Variants in ZDHHC20 observed in about 807,000 individuals in gnomAD.
ZDHHC20 encodes the protein palmitoyltransferase ZDHHC20.
Under a neutral mutation model 57.8 loss-of-function variants are expected in ZDHHC20, and 43 were observed. The ratio of observed to expected loss-of-function variants is 0.74; its 90% confidence interval spans 0.58 to 0.96. ZDHHC20 has a LOEUF of 0.96. Ranked by LOEUF, ZDHHC20 falls within the 40% of genes least tolerant of loss-of-function variation. The probability of loss-of-function intolerance (pLI) is 0.00; values close to 1 mark genes in which losing one functional copy is unlikely to be tolerated. For synonymous variants in ZDHHC20, 157 were observed against 153.0 expected (o/e 1.03, Z -0.19); for missense variants, 391 against 441.1 (o/e 0.89, Z 1.02).
intron 8 of ZDHHC20, among the ~76,000 whole-genome samples, chr13:21,389,751 GCT>G (rs1265571973): frequency 1.3e-5 from 2 of 152,078 alleles, no homozygotes; most frequent in Non-Finnish European, 2.9e-5. Flanking sequence ...GTCCACCACT[GCT>G]TAGCTCCATT....
intron 3 of ZDHHC20, among the ~76,000 whole-genome samples, chr13:21,419,265 T>G (rs1232389375): frequency 6.6e-6 from 1 of 152,204 alleles, no homozygotes; most frequent in Non-Finnish European, 1.5e-5. Flanking sequence ...ACTTTACCTT[T>G]TAAAACAAAA....
At chr13:21,410,922 T>C (rs1879123148) in intron 4 of ZDHHC20, among the ~76,000 whole-genome samples, 1 of 152,202 alleles carries the variant, frequency 6.6e-6, no homozygotes. Flanking sequence ...AAAAAACTCC[T>C]GCAGCTAGCT....
chr13:21,416,375 T>C (rs553809876), intron 3 of ZDHHC20, among the ~76,000 whole-genome samples: 11 of 152,166 alleles, frequency 7.2e-5, no homozygotes, highest in South Asian at 2.1e-4. Flanking sequence ...TCAAAACTAG[T>C]GAACAGAATT....
chr13:21,378,655 T>C lies in ZDHHC20; in HGVS notation c.*40+6A>G. 1 of 1,396,870 alleles carries C rather than the reference T, an allele frequency of 7.2e-7. No individual in the cohort carries two copies. Among genetic ancestry groups the C allele is most frequent in the Non-Finnish European group, 9.4e-7 (1 of 1,058,428 alleles). The allele number at this position is 1,396,870 out of a possible 1,614,324, so 86.5% of individuals were successfully genotyped here. On this transcript the variant is annotated splice_donor_region_variant and intron_variant, in intron 12 of 12. Coordinates refer to ENST00000400590, the MANE Select transcript of ZDHHC20 (RefSeq NM_001330059.2). The stretch of plus-strand genomic sequence containing the variant: ...TTATTCAAGGATTACCTTTATACTG[T>C]CTTACCTTGCTCTTATTCAAATGGT...
At chr13:21,411,047 A>C (rs1879144516) in intron 4 of ZDHHC20, among the ~76,000 whole-genome samples, 1 of 152,172 alleles carries the variant, frequency 6.6e-6, no homozygotes, top group Non-Finnish European at 1.5e-5. Context: ...GGAAAAGCAT[A>C]GTGTCTGGGC....
chr13:21,424,710 C>CAAA (rs10709528), intron 2 of ZDHHC20, among the ~76,000 whole-genome samples: 1 of 125,054 alleles, frequency 8.0e-6, no homozygotes, highest in Non-Finnish European at 1.7e-5. Context: ...GACTCTGTCT[C>CAAA]AAAAAAAAAA....
intron 7 of ZDHHC20, among the ~76,000 whole-genome samples, chr13:21,394,351 G>T (rs76632091): frequency 6.6e-6 from 1 of 152,010 alleles, no homozygotes; most frequent in East Asian, 1.9e-4. Flanking sequence ...TCTAAATAAG[G>T]TCTACCCTGA....
intron 8 of ZDHHC20, among the ~76,000 whole-genome samples, chr13:21,390,482 G>A (rs1051728576): frequency 1.3e-5 from 2 of 152,108 alleles, no homozygotes; most frequent in South Asian, 2.1e-4. Flanking sequence ...GACACAATAC[G>A]TAAGTCTCAC....
intron 7 of ZDHHC20, among the ~76,000 whole-genome samples, chr13:21,398,357 G>T (rs188591308): frequency 4.6e-5 from 7 of 151,944 alleles, no homozygotes; most frequent in African/African-American, 1.7e-4. Flanking sequence ...CCAGCTACTC[G>T]GGAGGCTGAG....
intron 4 of ZDHHC20, among the ~76,000 whole-genome samples, chr13:21,403,174 T>C (rs1007296122): frequency 1.3e-5 from 2 of 152,086 alleles, no homozygotes; most frequent in Non-Finnish European, 2.9e-5. Flanking sequence ...GAACTCAAGA[T>C]TTAGTAAGTC....
rs906594734 is a variant in ZDHHC20 at position 21,374,526 on chromosome 13, C to T, written c.*2170G>A. The T allele has an allele frequency of 1.9e-5, 8 of 422,940 alleles. No individual in the cohort carries two copies. The highest frequency in any genetic ancestry group is 3.8e-5 in the Non-Finnish European group (8 of 208,316). 26.2% of individuals were successfully genotyped at this position (422,940 alleles called of 1,614,324 possible). A position where few individuals can be genotyped will look rare whatever the true frequency, so the allele number is the denominator to read the frequency against. ...CTGGGATTACAGGCATGAGCCACCA[C>T]ACCCAGCAATAATTGGTATCTCTTA... On this transcript the variant is annotated 3_prime_UTR_variant, in exon 13 of 13. Coordinates refer to ENST00000400590, the MANE Select transcript of ZDHHC20 (RefSeq NM_001330059.2).
intron 4 of ZDHHC20, among the ~76,000 whole-genome samples, chr13:21,408,364 T>G (rs531533440): frequency 9.4e-4 from 143 of 152,346 alleles, no homozygotes; most frequent in African/African-American, 3.2e-3. Context: ...CCTAGGTATT[T>G]TATTATCTTT....
intron 3 of ZDHHC20, among the ~76,000 whole-genome samples, chr13:21,414,624 G>A (rs964206681): frequency 6.6e-6 from 1 of 150,430 alleles, no homozygotes; most frequent in Non-Finnish European, 1.5e-5. Context: ...GCCCGCCTTG[G>A]CCTCCCAAAG....
intron 3 of ZDHHC20, among the ~76,000 whole-genome samples, chr13:21,420,060 G>A (rs1880473485): frequency 6.6e-6 from 1 of 152,308 alleles, no homozygotes; most frequent in East Asian, 1.9e-4. Flanking sequence ...GCTGAGGCGG[G>A]TGGATCACCC....
chr13:21,376,631 AC>A lies in ZDHHC20; in HGVS notation c.*64del. The A allele has an allele frequency of 7.2e-7, 1 of 1,391,256 alleles. No individual in the cohort carries two copies. The highest frequency in any genetic ancestry group is 1.4e-5 in the South Asian group (1 of 71,872). The allele number at this position is 1,391,256 out of a possible 1,614,324, so 86.2% of individuals were successfully genotyped here. A position where few individuals can be genotyped will look rare whatever the true frequency, so the allele number is the denominator to read the frequency against. ...TTTCTTGCAAATGAAAATTGAAAAT[AC>A]CAGTCTATAATGTTTTCATACACCT... is the stretch of plus-strand genomic sequence containing the variant. On this transcript the variant is annotated 3_prime_UTR_variant, in exon 13 of 13. Transcript: ENST00000400590.
chr13:21,434,146 A>T (rs1255682135), intron 1 of ZDHHC20, among the ~76,000 whole-genome samples: 1 of 152,022 alleles, frequency 6.6e-6, no homozygotes, highest in Non-Finnish European at 1.5e-5. Flanking sequence ...TTTTAAAAGG[A>T]AGATTAAATA....
rs763122473 is a variant in ZDHHC20, at chr13:21,387,690, G to C, written c.728-56C>G. 9.5e-5 allele frequency: 109 copies of C among 1,149,358 alleles called. No individual in the cohort carries two copies. In the Middle Eastern group the frequency reaches 1.2e-3, roughly 13 times the overall value. 71.2% of individuals were successfully genotyped at this position (1,149,358 alleles called of 1,614,324 possible). A position where few individuals can be genotyped will look rare whatever the true frequency, so the allele number is the denominator to read the frequency against. On this transcript the variant is annotated intron_variant, in intron 8 of 12. Transcript: ENST00000400590. ...TTAATCTATTTAAAAATTATAGGAG[G>C]GATGGAAATTACCAATTTTCTTGCT...
At chr13:21,442,229 T>C (rs1883251392) in intron 1 of ZDHHC20, among the ~76,000 whole-genome samples, 1 of 152,186 alleles carries the variant, frequency 6.6e-6, no homozygotes, top group Admixed American at 6.5e-5. Context: ...TATCTATCAT[T>C]TTTTCCTCCA....
chr13:21,386,098 A>G (rs1333638296), intron 9 of ZDHHC20, among the ~76,000 whole-genome samples: 1 of 152,238 alleles, frequency 6.6e-6, no homozygotes, highest in Non-Finnish European at 1.5e-5. Context: ...GAGGGGGACA[A>G]TCTTGAATAC....
Sources: gnomAD v4.1 joint callset for allele counts (sites outside exome capture counted in the v4.1 genomes callset) on GRCh38, gnomAD v4.1.1 for gene constraint, MANE v1.5 for transcripts, NCBI Gene and HGNC (gene_info 2026-07-23, HGNC 2026-07-21) for gene names.